TRIM71: variants seen among roughly 807,000 people sequenced by gnomAD.
The protein encoded by TRIM71 is tripartite motif containing 71.
TRIM71 carries 9 observed loss-of-function variants against 61.2 expected under a neutral mutation model. The ratio of observed to expected loss-of-function variants is 0.15; its 90% CI spans 0.09 to 0.26. The LOEUF (loss-of-function observed/expected upper bound fraction) is 0.26. Among genes scored for constraint, TRIM71 ranks in the 10% least tolerant of loss-of-function variants. The pLI is 1.00. For missense variants in TRIM71, 998 were observed against 1,238.7 expected (o/e 0.81, Z 2.92); for synonymous variants, 645 against 553.2 (o/e 1.17, Z -2.33).
intron 1 of TRIM71, among the ~76,000 whole-genome samples, chr3:32,862,686 A>G (rs181220758): frequency 6.6e-6 from 1 of 152,374 alleles, no homozygotes; most frequent in Admixed American, 6.5e-5. Flanking sequence ...CAGTTTAAAA[A>G]TATATAATTT....
chr3:32,818,334 A>G lies in TRIM71; in HGVS notation c.254A>G (p.Glu85Gly). 1.4e-6 allele frequency: 2 copies of G among 1,446,314 alleles called. No homozygotes were observed. The highest frequency in any genetic ancestry group is 2.6e-5 in the South Asian group (2 of 75,620). The allele number at this position is 1,446,314 out of a possible 1,614,324, so 89.6% of individuals were successfully genotyped here. Reference sequence around the variant, plus strand: ...GCGGCGGGCGGCGGCGCGGCGGGAGAGCCGCTCAAGCTGCGCTGCCCCGTG... The same window carrying G: ...GCGGCGGGCGGCGGCGCGGCGGGAGGGCCGCTCAAGCTGCGCTGCCCCGTG... ...LPAAGGGAAG[E>G]PLKLRCPVCD... The change falls in exon 1 of 4, where the codon GAG becomes GGG. Residue 85 changes from glutamate (E) to glycine (G), a missense_variant. By Grantham distance (98) the Glu-to-Gly change is moderately conservative. This residue lies in a region of TRIM71 where 527 missense variants were observed against 427.8 expected (regional missense o/e 1.23). Transcript: ENST00000383763.
intron 1 of TRIM71, among the ~76,000 whole-genome samples, chr3:32,837,083 G>T (rs1444390781): frequency 1.4e-5 from 2 of 143,414 alleles, no homozygotes; most frequent in Non-Finnish European, 3.2e-5. Flanking sequence ...AGGCAAACTT[G>T]AAGTAGATTA....
intron 2 of TRIM71, among the ~76,000 whole-genome samples, chr3:32,881,590 T>G (rs1696907560): frequency 6.6e-6 from 1 of 152,208 alleles, no homozygotes; most frequent in Non-Finnish European, 1.5e-5. Flanking sequence ...CCCTCAACTT[T>G]TAAATGTTTA....
chr3:32,871,285 G>C (rs1325780648), intron 1 of TRIM71, among the ~76,000 whole-genome samples: 1 of 152,198 alleles, frequency 6.6e-6, no homozygotes, highest in Non-Finnish European at 1.5e-5. Flanking sequence ...AGCAATCTAG[G>C]TAGTTACAAT....
At position 32,894,573 on chromosome 3, in the gene TRIM71, T is replaced by C. The variant is rs975672447; in HGVS notation, c.*2762T>C. The C allele has an allele frequency of 6.6e-6, 1 of 152,204 alleles. No individual in the cohort carries two copies. The highest frequency in any genetic ancestry group is 2.4e-5 in the African/African-American group (1 of 41,458). The allele number at this position is 152,204 out of a possible 1,614,324, so 9.4% of individuals were successfully genotyped here. A position where few individuals can be genotyped will look rare whatever the true frequency, so the allele number is the denominator to read the frequency against. On this transcript the variant is annotated 3_prime_UTR_variant, in exon 4 of 4. Transcript: ENST00000383763. ...TCTCCTTACCTTTCTGTACCCAAAATGGTGCATGACTGGTATTTGAGAAAC... is the reference window on the plus strand; with the variant it reads ...TCTCCTTACCTTTCTGTACCCAAAACGGTGCATGACTGGTATTTGAGAAAC...
chr3:32,839,006 G>T (rs1272230242), intron 1 of TRIM71, among the ~76,000 whole-genome samples: 3 of 151,706 alleles, frequency 2.0e-5, no homozygotes, highest in Non-Finnish European at 2.9e-5. Flanking sequence ...TCACCATGTT[G>T]TCTAGGCTGG....
chr3:32,837,813 GAA>G (rs59501831), intron 1 of TRIM71, among the ~76,000 whole-genome samples: 2 of 151,684 alleles, frequency 1.3e-5, no homozygotes, highest in East Asian at 3.9e-4. Flanking sequence ...CTCAAAAAAA[GAA>G]AAAAAACCTC....
At position 32,818,756 on chromosome 3, in the gene TRIM71, G is replaced by A. The variant is rs1696092817; in HGVS notation, c.676G>A (p.Ala226Thr). The A allele has an allele frequency of 1.2e-6, 2 of 1,605,282 alleles. No homozygotes were observed. The highest frequency in any genetic ancestry group is 1.7e-6 in the Non-Finnish European group (2 of 1,178,258). The change falls in exon 1 of 4, where the codon GCG becomes ACG. Residue 226 changes from alanine (A) to threonine (T), a missense_variant. Ala to Thr is a moderately conservative substitution (Grantham distance 58). Coordinates refer to ENST00000383763, the MANE Select transcript of TRIM71 (RefSeq NM_001039111.3). Reference protein sequence around the residue: ...QEHLCDNCVRAHQRVRLTKDH... With the variant: ...QEHLCDNCVRTHQRVRLTKDH... ...GCACCTGTGCGACAACTGCGTCCGA[G>A]CGCACCAGCGCGTGCGCCTCACCAA...
chr3:32,864,862 GT>G (rs1696714457), intron 1 of TRIM71, among the ~76,000 whole-genome samples: 1 of 128,398 alleles, frequency 7.8e-6, no homozygotes, highest in East Asian at 2.0e-4. Flanking sequence ...GTGTGTGTGT[GT>G]GTGTGTGTGT....
intron 2 of TRIM71, among the ~76,000 whole-genome samples, chr3:32,880,511 A>T (rs542929174): frequency 6.6e-6 from 1 of 152,254 alleles, no homozygotes; most frequent in Admixed American, 6.5e-5. Flanking sequence ...CTTTAAAGAG[A>T]CTCACAACTT....
intron 1 of TRIM71, among the ~76,000 whole-genome samples, chr3:32,838,062 C>T (rs1014783671): frequency 1.3e-5 from 2 of 152,034 alleles, no homozygotes; most frequent in African/African-American, 2.4e-5. Flanking sequence ...CCTGGCTATC[C>T]GGGTGTTTGA....
At chr3:32,829,474 G>A (rs1361844998) in intron 1 of TRIM71, among the ~76,000 whole-genome samples, 1 of 152,162 alleles carries the variant, frequency 6.6e-6, no homozygotes, top group Non-Finnish European at 1.5e-5. Context: ...ACGATGCCCT[G>A]CTGTCACCAC....
At chr3:32,857,576 A>T (rs553992023) in intron 1 of TRIM71, among the ~76,000 whole-genome samples, 2 of 152,360 alleles carry the variant, frequency 1.3e-5, no homozygotes, top group East Asian at 1.9e-4. Context: ...TACAGATAAT[A>T]TAAAGTCAAT....
At chr3:32,833,539 C>G (rs1199959131) in intron 1 of TRIM71, among the ~76,000 whole-genome samples, 1 of 152,028 alleles carries the variant, frequency 6.6e-6, no homozygotes, top group Non-Finnish European at 1.5e-5. Flanking sequence ...GGCTATCTCC[C>G]TGGTGTGAAG....
At position 32,885,914 on chromosome 3, in the gene TRIM71, GTTTC is replaced by G; in HGVS notation, c.1021-16_1021-13del. The G allele has an allele frequency of 1.2e-6, 2 of 1,607,626 alleles. No individual in the cohort carries two copies. The highest frequency in any genetic ancestry group is 1.7e-6 in the Non-Finnish European group (2 of 1,177,744). ...ACAGTCCTTCTAATGCCTCGAAGTT[GTTTC>G]TTTTTGGTTTTCCAGCTGAGCATCG... On this transcript the variant is annotated splice_polypyrimidine_tract_variant and intron_variant, in intron 2 of 3. Transcript: ENST00000383763.
intron 1 of TRIM71, among the ~76,000 whole-genome samples, chr3:32,827,462 A>C (rs1030906011): frequency 3.3e-5 from 5 of 151,622 alleles, no homozygotes; most frequent in African/African-American, 9.7e-5. Flanking sequence ...GGGTTTTGCC[A>C]TATTGGCCAG....
chr3:32,846,160 C>A (rs947874497), intron 1 of TRIM71, among the ~76,000 whole-genome samples: 4 of 150,882 alleles, frequency 2.7e-5, no homozygotes, highest in African/African-American at 9.8e-5. Flanking sequence ...GCTGCAAGCT[C>A]CGCCTCCCGG....
chr3:32,832,310 A>G (rs1696281344), intron 1 of TRIM71, among the ~76,000 whole-genome samples: 1 of 152,224 alleles, frequency 6.6e-6, no homozygotes, highest in African/African-American at 2.4e-5. Context: ...CGTACAAATT[A>G]GCCGAGCACA....
At chr3:32,841,485 A>G (rs1389310981) in intron 1 of TRIM71, among the ~76,000 whole-genome samples, 2 of 151,782 alleles carry the variant, frequency 1.3e-5, no homozygotes, top group East Asian at 3.9e-4. Flanking sequence ...CAGCCTGGGC[A>G]ACACGGCAAA....
Sources: allele counts gnomAD v4.1 joint callset (sites outside exome capture counted in the v4.1 genomes callset), GRCh38; gene constraint gnomAD v4.1.1; regional missense constraint gnomAD v4.1.1; transcripts MANE v1.5; gene names NCBI Gene and HGNC (gene_info 2026-07-23, HGNC 2026-07-21).